Variants in RIMS1 observed in about 807,000 individuals in gnomAD.
RIMS1 encodes regulating synaptic membrane exocytosis 1.
Under a neutral mutation model 214.1 loss-of-function variants are expected in RIMS1, and 83 were observed. That is an observed-to-expected ratio of 0.39 (90% confidence interval 0.32 to 0.47). The LOEUF (loss-of-function observed/expected upper bound fraction) is 0.47. Ranked by LOEUF, RIMS1 falls within the 20% of genes least tolerant of loss-of-function variation. RIMS1 has a pLI of 0.99. For missense variants in RIMS1, 2,050 were observed against 2,161.8 expected (o/e 0.95, Z 1.03); for synonymous variants, 793 against 786.8 (o/e 1.01, Z -0.13).
At chr6:71,996,764 A>G (rs1191452284) in intron 2 of RIMS1, among the ~76,000 whole-genome samples, 1 of 152,150 alleles carries the variant, frequency 6.6e-6, no homozygotes, top group Non-Finnish European at 1.5e-5. Context: ...AGGCAACACA[A>G]CCTTGGAGAT....
chr6:72,063,953 C>G (rs1056119768), intron 2 of RIMS1, among the ~76,000 whole-genome samples: 4 of 152,162 alleles, frequency 2.6e-5, no homozygotes, highest in African/African-American at 9.7e-5. Flanking sequence ...ACATCATCTT[C>G]CCTCTTTACC....
At chr6:72,392,941 A>G in intron 31 of RIMS1, 131 bp downstream of exon 31, 1 of 661,444 alleles carries the variant, frequency 1.5e-6, no homozygotes. Flanking sequence ...TACTGTTTGC[A>G]AACAACTATT....
At chr6:72,224,276 A>G (rs1365901650) in intron 6 of RIMS1, among the ~76,000 whole-genome samples, 1 of 152,230 alleles carries the variant, frequency 6.6e-6, no homozygotes, top group East Asian at 1.9e-4. Context: ...TTGATTTACC[A>G]CATAGCCCTC....
chr6:72,255,617 T>TA (rs1451427500), intron 16 of RIMS1, among the ~76,000 whole-genome samples: 1 of 152,092 alleles, frequency 6.6e-6, no homozygotes, highest in Non-Finnish European at 1.5e-5. Flanking sequence ...TTAAGAAGAA[T>TA]AAAAATAACC....
intron 29 of RIMS1, among the ~76,000 whole-genome samples, chr6:72,347,825 G>A (rs1005309194): frequency 6.6e-6 from 1 of 151,812 alleles, no homozygotes; most frequent in Non-Finnish European, 1.5e-5. Context: ...TACCAGGACC[G>A]AAAGTAATTT....
rs201709343 is a variant in RIMS1, at chr6:72,245,819, A to G, written c.2086A>G (p.Ile696Val). 3.7e-6 allele frequency: 6 copies of G among 1,609,404 alleles called. No homozygotes were observed. Among genetic ancestry groups the G allele is most frequent in the Admixed American group, 3.3e-5 (2 of 59,960 alleles). ...EIIVSRPIGD[I>V]PRIPESSHPP... ...ACCATATCCTGTTTCTTTTAGTGAC[A>G]TTCCCCGGATTCCTGAGAGCTCCCA... Residue 696 changes from isoleucine (I) to valine (V), a missense_variant, in exon 11 of 34, where the codon ATT (isoleucine) becomes GTT (valine). Transcript: ENST00000521978.
chr6:72,259,585 T>C (rs1391286324), intron 18 of RIMS1, among the ~76,000 whole-genome samples: 1 of 149,954 alleles, frequency 6.7e-6, no homozygotes, highest in Non-Finnish European at 1.5e-5. Flanking sequence ...ATACTTCTTT[T>C]CATAAAATCT....
At chr6:71,889,323 G>A (rs1215258748) in intron 1 of RIMS1, among the ~76,000 whole-genome samples, 1 of 152,284 alleles carries the variant, frequency 6.6e-6, no homozygotes, top group East Asian at 1.9e-4. Flanking sequence ...AAGATTGTAT[G>A]GGCTTATATG....
At chr6:72,277,214 T>C (rs954291074) in intron 23 of RIMS1, among the ~76,000 whole-genome samples, 2 of 152,206 alleles carry the variant, frequency 1.3e-5, no homozygotes, top group Admixed American at 6.5e-5. Context: ...AATTTAACAG[T>C]AAGCATTCTC....
chr6:72,117,365 TGTAA>T (rs2037293790), intron 4 of RIMS1, among the ~76,000 whole-genome samples: 1 of 151,976 alleles, frequency 6.6e-6, no homozygotes, highest in South Asian at 2.1e-4. Flanking sequence ...AAGAATGTTC[TGTAA>T]GTATCTGTTA....
intron 1 of RIMS1, among the ~76,000 whole-genome samples, chr6:71,944,830 A>G (rs972116113): frequency 1.3e-5 from 2 of 152,170 alleles, no homozygotes; most frequent in Non-Finnish European, 2.9e-5. Flanking sequence ...ATATTTATCT[A>G]GATTATAGAA....
chr6:72,265,762 T>C (rs1250982148), intron 21 of RIMS1, among the ~76,000 whole-genome samples, 198 bp from the exon 22 acceptor site: 2 of 152,202 alleles, frequency 1.3e-5, no homozygotes, highest in African/African-American at 4.8e-5. Context: ...GCATAATCTT[T>C]GTTTAGCTTC....
chr6:72,099,847 G>A (rs1229281967), intron 3 of RIMS1, 128 bp from the exon 4 acceptor site: 1 of 693,134 alleles, frequency 1.4e-6, no homozygotes, highest in Non-Finnish European at 2.5e-6. Context: ...CAAAATAGTT[G>A]TGCTTTAATA....
intron 2 of RIMS1, among the ~76,000 whole-genome samples, chr6:72,039,664 T>A (rs534875173): frequency 1.3e-5 from 2 of 152,096 alleles, no homozygotes; most frequent in Non-Finnish European, 2.9e-5. Flanking sequence ...CAAAATATTT[T>A]TTGTATCGGA....
Position 72,148,994 on chromosome 6 carries a change from G to GA in RIMS1, c.472-30571dup, listed in dbSNP as rs960285245. Among the ~76,000 whole-genome samples, 344 of 147,644 alleles carry GA rather than the reference G, an allele frequency of 2.3e-3. 4 individuals are homozygous for GA. Among genetic ancestry groups the GA allele is most frequent in the African/African-American group, 7.3e-3 (295 of 40,288 alleles). On this transcript the variant is annotated intron_variant, in intron 4 of 33. Coordinates refer to ENST00000521978, the MANE Select transcript of RIMS1 (RefSeq NM_014989.7). ...GCCCTAGTAAGATGCCTCCCCAAAG[G>GA]AAAAAAAAAATCTGCCACGTAGAAA... is the stretch of plus-strand genomic sequence containing the variant.
intron 6 of RIMS1, among the ~76,000 whole-genome samples, chr6:72,232,443 A>T (rs2062352197): frequency 6.6e-6 from 1 of 151,680 alleles, no homozygotes; most frequent in South Asian, 2.1e-4. Flanking sequence ...CTGACTTCCT[A>T]ATATTCCATT....
chr6:71,910,714 A>T (rs746610209), intron 1 of RIMS1, among the ~76,000 whole-genome samples: 43 of 152,176 alleles, frequency 2.8e-4, no homozygotes, highest in Non-Finnish European at 5.6e-4. Flanking sequence ...CAGAGTGCAC[A>T]CACAGGGAAC....
rs148799841 is a variant in RIMS1, at chr6:72,293,569, A to G, written c.3850+1523A>G. 2.5e-3 allele frequency among the ~76,000 whole-genome samples: 384 copies of G among 152,018 alleles called. 2 individuals carry two copies. Among genetic ancestry groups the G allele is most frequent in the African/African-American group, 8.9e-3 (369 of 41,546 alleles). ...ACCGATCATATTTTGCTAAAGATTGATATTCTAAAAGTCATGTGCTCCTAA... is the reference window on the plus strand; with the variant it reads ...ACCGATCATATTTTGCTAAAGATTGGTATTCTAAAAGTCATGTGCTCCTAA... On this transcript the variant is annotated intron_variant, in intron 26 of 33. Transcript: ENST00000521978.
intron 26 of RIMS1, among the ~76,000 whole-genome samples, chr6:72,304,319 A>C (rs1592689544): frequency 6.6e-6 from 1 of 151,746 alleles, no homozygotes; most frequent in East Asian, 1.9e-4. Context: ...ATAATATAAA[A>C]ATTTTAAATG....
Sources: allele counts gnomAD v4.1 joint callset (sites outside exome capture counted in the v4.1 genomes callset), GRCh38; gene constraint gnomAD v4.1.1; transcripts MANE v1.5; gene names NCBI Gene and HGNC (gene_info 2026-07-23, HGNC 2026-07-21).